The following ZNF423 variants were observed in gnomAD, a reference collection of about 807,000 sequenced individuals.
ZNF423 encodes Ebf-associated zinc finger protein.
In ZNF423, 12 loss-of-function variants were observed where a neutral mutation model predicts 95.8. That is an observed-to-expected ratio of 0.13 (90% CI 0.08 to 0.20). The LOEUF (loss-of-function observed/expected upper bound fraction) is 0.20. Ranked by LOEUF, ZNF423 falls within the 10% of genes least tolerant of loss-of-function variation. The pLI, the probability that ZNF423 is intolerant of heterozygous loss-of-function variation, is 1.00. For synonymous variants in ZNF423, 749 were observed against 711.9 expected (o/e 1.05, Z -0.83); for missense variants, 1,316 against 1,737.1 (o/e 0.76, Z 4.31).
intron 5 of ZNF423, among the ~76,000 whole-genome samples, chr16:49,541,867 T>A (rs896066709): frequency 6.6e-6 from 1 of 152,242 alleles, no homozygotes; most frequent in East Asian, 1.9e-4. Context: ...CTATCATGAC[T>A]GTAAGTTTCC....
At chr16:49,652,729 A>T (rs1453260705) in intron 3 of ZNF423, among the ~76,000 whole-genome samples, 1 of 152,186 alleles carries the variant, frequency 6.6e-6, no homozygotes, top group Non-Finnish European at 1.5e-5. Flanking sequence ...CCCTTTGGAG[A>T]TCGGCAGAGC....
At chr16:49,552,188 GC>G (rs1257414526) in intron 5 of ZNF423, among the ~76,000 whole-genome samples, 1 of 152,164 alleles carries the variant, frequency 6.6e-6, no homozygotes, top group Non-Finnish European at 1.5e-5. Context: ...TTAATGCTTG[GC>G]CCCCATAGAC....
chr16:49,766,577 A>G (rs1015026572), intron 2 of ZNF423, among the ~76,000 whole-genome samples: 15 of 152,174 alleles, frequency 9.9e-5, no homozygotes, highest in African/African-American at 3.4e-4. Context: ...TTCTTATAAA[A>G]CAAAGTTTCA....
chr16:49,824,696 C>A (rs2034987110), intron 1 of ZNF423, among the ~76,000 whole-genome samples: 1 of 152,188 alleles, frequency 6.6e-6, no homozygotes, highest in South Asian at 2.1e-4. Flanking sequence ...GCCTCAAATG[C>A]CATTTTCCTG....
chr16:49,769,996 C>G (rs148011003), intron 2 of ZNF423, among the ~76,000 whole-genome samples: 72 of 152,224 alleles, frequency 4.7e-4, no homozygotes, highest in African/African-American at 1.7e-3. Flanking sequence ...CTCTATCTAT[C>G]TGGTCACCCT....
chr16:49,703,663 A>G (rs1330945018), intron 3 of ZNF423, among the ~76,000 whole-genome samples: 2 of 152,242 alleles, frequency 1.3e-5, no homozygotes, highest in African/African-American at 2.4e-5. Context: ...GGGGAGCCCC[A>G]TGGGGTCAGC....
chr16:49,625,690 C>A (rs1171225813), intron 5 of ZNF423, among the ~76,000 whole-genome samples: 1 of 152,168 alleles, frequency 6.6e-6, no homozygotes, highest in East Asian at 1.9e-4. Flanking sequence ...TGCAAGCTGC[C>A]CTTCTAGAGA....
At chr16:49,520,287 C>A (rs1242149888) in intron 7 of ZNF423, among the ~76,000 whole-genome samples, 1 of 152,202 alleles carries the variant, frequency 6.6e-6, no homozygotes, top group Non-Finnish European at 1.5e-5. Context: ...TGTGAATTTG[C>A]AACAGTTTGT....
chr16:49,545,131 C>T (rs1236257941), intron 5 of ZNF423, among the ~76,000 whole-genome samples: 1 of 152,204 alleles, frequency 6.6e-6, no homozygotes, highest in African/African-American at 2.4e-5. Context: ...CAACAATGGC[C>T]CTTCCCCTTG....
At position 49,635,753 on chromosome 16, in the gene ZNF423, T is replaced by C. The variant is rs1972667565; in HGVS notation, c.3423A>G (p.Glu1141=). 6.2e-7 allele frequency: 1 copy of C among 1,612,900 alleles called. No homozygotes were observed. Among genetic ancestry groups the C allele is most frequent in the South Asian group, 1.1e-5 (1 of 91,036 alleles). Reference sequence around the variant, plus strand: ...CCACCTGCATGTGGCTCTCCAGGTCTTCGGCACTCTCAAACTTGACACTGC... The same window carrying C: ...CCACCTGCATGTGGCTCTCCAGGTCCTCGGCACTCTCAAACTTGACACTGC... The part of the protein sequence containing the change: ...PECSVKFESA[E]DLESHMQVDH... The change falls in exon 4 of 8, where the codon GAA becomes GAG. Residue 1141 remains glutamate (E), a synonymous_variant. Coordinates refer to ENST00000563137, the MANE Select transcript of ZNF423 (RefSeq NM_001379286.1). The surrounding 1 kb of genome is among the most constrained non-coding windows in gnomAD (Gnocchi z 4.8).
At chr16:49,660,232 G>GATGGAT (rs1405582429) in intron 3 of ZNF423, among the ~76,000 whole-genome samples, 29 of 152,106 alleles carry the variant, frequency 1.9e-4, no homozygotes, top group African/African-American at 6.8e-4. Context: ...TGGATGAAAG[G>GATGGAT]GTACCTGGCC....
intron 3 of ZNF423, among the ~76,000 whole-genome samples, chr16:49,672,742 C>T (rs1276830697): frequency 6.6e-6 from 1 of 152,136 alleles, no homozygotes; most frequent in Admixed American, 6.5e-5. Flanking sequence ...CTTGAAACCC[C>T]AGGCAACGGA....
At chr16:49,837,532 C>T (rs1271557303) in intron 1 of ZNF423, among the ~76,000 whole-genome samples, 1 of 152,178 alleles carries the variant, frequency 6.6e-6, no homozygotes, top group Admixed American at 6.5e-5. Context: ...GCTGTGTGCA[C>T]GCATCAACAG....
chr16:49,531,746 C>G (rs185834505), intron 5 of ZNF423, among the ~76,000 whole-genome samples: 3 of 152,122 alleles, frequency 2.0e-5, no homozygotes, highest in Non-Finnish European at 4.4e-5. Flanking sequence ...AGGAGTGTCC[C>G]TTGTCAAAGG....
chr16:49,854,687 G>T (rs1186839183), intron 1 of ZNF423: 1 of 985,472 alleles, frequency 1.0e-6, no homozygotes, highest in African/African-American at 1.7e-5. Context: ...GCCTGGAAAG[G>T]CCAGCCGCGG....
intron 3 of ZNF423, among the ~76,000 whole-genome samples, chr16:49,677,295 A>T (rs1167553859): frequency 4.3e-5 from 4 of 93,266 alleles, no homozygotes; most frequent in African/African-American, 1.8e-4. Context: ...AGAGAAGAGA[A>T]GAGAAGAGAA....
At chr16:49,611,935 A>G (rs1971736862) in intron 5 of ZNF423, among the ~76,000 whole-genome samples, 1 of 152,108 alleles carries the variant, frequency 6.6e-6, no homozygotes, top group South Asian at 2.1e-4. Flanking sequence ...CAGAATACAC[A>G]TAATAAGAAA....
rs147262223 is a variant in ZNF423, at chr16:49,778,636, G to A, written c.100+10851C>T. Among the ~76,000 whole-genome samples the A allele has an allele frequency of 6.3e-3, 956 of 151,732 alleles. 13 individuals are homozygous for A. The highest frequency in any genetic ancestry group is 0.022 in the African/African-American group (922 of 41,342). ...ACAGACTCAGTTCCACCCCAAATCT[G>A]CAGGAAGGTGAAGCGGATTGCCCCA... On this transcript the variant is annotated intron_variant, in intron 2 of 7. Transcript: ENST00000563137.
chr16:49,691,981 G>A (rs1337896673), intron 3 of ZNF423, among the ~76,000 whole-genome samples: 2 of 151,872 alleles, frequency 1.3e-5, no homozygotes, highest in Non-Finnish European at 1.5e-5. Context: ...AGGGTCTCTC[G>A]CTCTGTGGCG....
Sources: allele counts gnomAD v4.1 joint callset (sites outside exome capture counted in the v4.1 genomes callset), GRCh38; gene constraint gnomAD v4.1.1; non-coding constraint Gnocchi (gnomAD v3.1); transcripts MANE v1.5; gene names NCBI Gene and HGNC (gene_info 2026-07-23, HGNC 2026-07-21).